Variants in CFAP70 observed in about 807,000 individuals in gnomAD.
The protein encoded by CFAP70 is cilia and flagella associated protein 70, also known as cilia- and flagella-associated protein 70.
Under a neutral mutation model 137.6 loss-of-function variants are expected in CFAP70, and 81 were observed. That is an observed-to-expected ratio of 0.59 (90% confidence interval 0.49 to 0.71). The LOEUF (loss-of-function observed/expected upper bound fraction) is 0.71, where lower values mean the gene tolerates loss of function less well. Ranked by LOEUF, CFAP70 falls within the 30% of genes least tolerant of loss-of-function variation. The probability of loss-of-function intolerance (pLI) is 0.00; values close to 1 mark genes in which losing one functional copy is unlikely to be tolerated. For synonymous variants in CFAP70, 382 were observed against 423.6 expected (o/e 0.90, Z 1.20); for missense variants, 976 against 1,226.7 (o/e 0.80, Z 3.05).
intron 19 of CFAP70, among the ~76,000 whole-genome samples, chr10:73,282,822 TTATC>T (rs1216450152): frequency 1.3e-4 from 20 of 150,906 alleles, no homozygotes; most frequent in South Asian, 2.1e-4. Context: ...AATTTTCCTG[TTATC>T]TTTTTTTTTT....
At chr10:73,322,634 T>C (rs890771768) in intron 9 of CFAP70, among the ~76,000 whole-genome samples, 1 of 148,814 alleles carries the variant, frequency 6.7e-6, no homozygotes. Context: ...TTTAGCATAA[T>C]GCATTTTAGT....
chr10:73,347,562 G>C (rs936466565), intron 4 of CFAP70, among the ~76,000 whole-genome samples: 3 of 152,176 alleles, frequency 2.0e-5, no homozygotes, highest in Non-Finnish European at 4.4e-5. Context: ...TATGTTCCAT[G>C]ATTTCATGGA....
At chr10:73,282,376 CA>C (rs796174804) in intron 19 of CFAP70, among the ~76,000 whole-genome samples, 24 of 146,692 alleles carry the variant, frequency 1.6e-4, no homozygotes, top group South Asian at 4.3e-4. Context: ...GTCACACACA[CA>C]AAAAAAAAAA....
At chr10:73,301,109 G>A (rs942665608) in intron 12 of CFAP70, among the ~76,000 whole-genome samples, 2 of 152,226 alleles carry the variant, frequency 1.3e-5, no homozygotes, top group Non-Finnish European at 2.9e-5. Context: ...GTAGTGGAAT[G>A]CAGGAGCATA....
At chr10:73,292,073 C>T in intron 16 of CFAP70, 59 bp from the exon 18 acceptor site, 2 of 1,585,998 alleles carry the variant, frequency 1.3e-6, no homozygotes, top group Non-Finnish European at 1.7e-6. Context: ...ATGCATACGA[C>T]ATCACATGGT....
At chr10:73,309,116 C>CA (rs1038001803) in intron 12 of CFAP70, among the ~76,000 whole-genome samples, 2 of 151,894 alleles carry the variant, frequency 1.3e-5, no homozygotes, top group Admixed American at 6.6e-5. Flanking sequence ...TCAAAAAGAT[C>CA]AACAAGATTG....
At chr10:73,314,644 G>C (rs2050189049) in intron 9 of CFAP70, among the ~76,000 whole-genome samples, 1 of 151,970 alleles carries the variant, frequency 6.6e-6, no homozygotes, top group African/African-American at 2.4e-5. Flanking sequence ...GTCTCACTCT[G>C]TCACCTAGAC....
At chr10:73,286,562 A>G (rs1192249608) in intron 19 of CFAP70, among the ~76,000 whole-genome samples, 2 of 152,224 alleles carry the variant, frequency 1.3e-5, no homozygotes, top group South Asian at 2.1e-4. Flanking sequence ...ATACCTGACA[A>G]TATGAACCAA....
At chr10:73,325,387 A>G (rs1053272655) in intron 8 of CFAP70, among the ~76,000 whole-genome samples, 4 of 152,238 alleles carry the variant, frequency 2.6e-5, no homozygotes, top group Non-Finnish European at 5.9e-5. Context: ...AAATCATGCC[A>G]AATTGTAAAG....
intron 3 of CFAP70, among the ~76,000 whole-genome samples, chr10:73,350,120 C>G (rs898326023): frequency 3.9e-5 from 6 of 152,206 alleles, no homozygotes; most frequent in African/African-American, 1.4e-4. Flanking sequence ...TCATTTAGAA[C>G]AGTCCCCCCT....
chr10:73,293,332 C>T, exon 16 of CFAP70: 1 of 1,612,308 alleles, frequency 6.2e-7, no homozygotes, highest in Non-Finnish European at 8.5e-7. Flanking sequence ...AGAGTTGAAG[C>T]TGTTCACTGC....
At chr10:73,304,059 A>ATTTTT (rs970244383) in intron 12 of CFAP70, among the ~76,000 whole-genome samples, 13 of 146,462 alleles carry the variant, frequency 8.9e-5, no homozygotes, top group African/African-American at 2.7e-4. Context: ...TTTATGGTAA[A>ATTTTT]TTTTTTTTTT....
intron 3 of CFAP70, among the ~76,000 whole-genome samples, chr10:73,352,925 G>C (rs1466593031): frequency 6.6e-6 from 1 of 151,996 alleles, no homozygotes; most frequent in Non-Finnish European, 1.5e-5. Flanking sequence ...TTTCCAAATA[G>C]CTTTTTGGCT....
rs1280665694 is a variant in CFAP70, at chr10:73,293,129, A to T, written c.1770+134T>A. On this transcript the variant is annotated intron_variant, in intron 16 of 26. Coordinates refer to ENST00000310715, the Ensembl canonical transcript of CFAP70. ...AAATTGAATGACCTTATTGGTGGGA[A>T]CCTATTTTTGGACTTTATTGTTCTA... 7 of 843,096 alleles carry T rather than the reference A, an allele frequency of 8.3e-6. No individual in the cohort carries two copies. In the East Asian group the frequency reaches 1.8e-4, roughly 22 times the overall value. The allele number at this position is 843,096 out of a possible 1,614,324, so 52.2% of individuals were successfully genotyped here.
intron 25 of CFAP70, among the ~76,000 whole-genome samples, chr10:73,260,222 G>C (rs2045014099): frequency 1.3e-5 from 2 of 151,882 alleles, no homozygotes; most frequent in African/African-American, 4.8e-5. Context: ...GAGTGGTGGT[G>C]CATGCCTGTA....
rs564850652 is a variant in CFAP70, at chr10:73,285,241, G to A, written c.2239+5985C>T. 2.4e-3 allele frequency among the ~76,000 whole-genome samples: 363 copies of A among 152,280 alleles called. 2 individuals carry two copies. Among genetic ancestry groups the A allele is most frequent in the South Asian group, 7.7e-3 (37 of 4,824 alleles). ...GTGTTGGACATGGGCTATGAGTCTA[G>A]ATGAAGAAGATGGAGACTTCCAGTT... On this transcript the variant is annotated intron_variant, in intron 19 of 26. Coordinates refer to ENST00000310715, the Ensembl canonical transcript of CFAP70.
chr10:73,308,154 A>G (rs2049557744), intron 12 of CFAP70, among the ~76,000 whole-genome samples: 1 of 151,860 alleles, frequency 6.6e-6, no homozygotes. Flanking sequence ...GACTCTATCT[A>G]AAAAAGAAAG....
At chr10:73,318,571 T>C (rs181785198) in intron 9 of CFAP70, among the ~76,000 whole-genome samples, 104 of 152,318 alleles carry the variant, frequency 6.8e-4, no homozygotes, top group African/African-American at 2.4e-3. Flanking sequence ...TCTCATTTAA[T>C]AGGTAAAACA....
At chr10:73,254,143 G>A (rs574249327) in intron 26 of CFAP70, 88 bp from the exon 28 acceptor site, 231 of 1,081,524 alleles carry the variant, frequency 2.1e-4, no homozygotes, top group Non-Finnish European at 2.9e-4. Context: ...GTGGGGCTAC[G>A]GCTAAAGAAC....
Sources: gnomAD v4.1 joint callset for allele counts (sites outside exome capture counted in the v4.1 genomes callset) on GRCh38, gnomAD v4.1.1 for gene constraint, MANE v1.5 for transcripts, NCBI Gene and HGNC (gene_info 2026-07-23, HGNC 2026-07-21) for gene names.